TIAM1: variants seen among roughly 807,000 people sequenced by gnomAD.
TIAM1 encodes TIAM Rac1 associated GEF 1.
Under a neutral mutation model 163.5 loss-of-function variants are expected in TIAM1, and 65 were observed. That is an observed-to-expected ratio of 0.40 (90% CI 0.33 to 0.49). The LOEUF (loss-of-function observed/expected upper bound fraction) is 0.49, where lower values mean the gene tolerates loss of function less well. Ranked by LOEUF, TIAM1 falls within the 20% of genes least tolerant of loss-of-function variation. TIAM1 has a pLI of 0.77. For synonymous variants in TIAM1, 833 were observed against 810.1 expected, an observed-to-expected ratio of 1.03 and a Z score of -0.48; for missense variants, 1,789 against 2,044.7, an observed-to-expected ratio of 0.87 and a Z score of 2.41.
chr21:31,290,490 T>C (rs2073976778), intron 2 of TIAM1, among the ~76,000 whole-genome samples: 1 of 151,208 alleles, frequency 6.6e-6, no homozygotes, highest in South Asian at 2.1e-4. Context: ...GAAAAAAATA[T>C]ATAAAAATTA....
In TIAM1 at chr21:31,225,740, T is replaced by G; in HGVS notation, c.1795A>C (p.Thr599Pro). ...SSVTDSKKKK[T>P]ILDQIFVWEQ... The stretch of plus-strand genomic sequence containing the variant: ...AGAACGATTACCTGATCTAATATTG[T>G]TTTCTTTTTCTTTGAGTCAGTGACT... Residue 599 changes from threonine (T) to proline (P), a missense_variant, in exon 7 of 28, where the codon ACA becomes CCA. By Grantham distance (38) the Thr-to-Pro change is conservative. Around this residue, in one of 5 missense-constraint regions of TIAM1, gnomAD observed 456 missense variants for 586.6 expected, o/e 0.78. Transcript: ENST00000541036. The G allele has an allele frequency of 6.2e-7, 1 of 1,612,286 alleles. No individual in the cohort carries two copies. Among genetic ancestry groups the G allele is most frequent in the South Asian group, 1.1e-5 (1 of 91,078 alleles).
At chr21:31,159,413 T>G (rs1357223211) in intron 16 of TIAM1, among the ~76,000 whole-genome samples, 1 of 152,216 alleles carries the variant, frequency 6.6e-6, no homozygotes, top group Non-Finnish European at 1.5e-5. Flanking sequence ...CTTCCTGTTA[T>G]GCAACCACCA....
At chr21:31,182,672 A>C (rs776035785) in intron 14 of TIAM1, 27 bp from the exon 15 acceptor site, 3 of 1,596,636 alleles carry the variant, frequency 1.9e-6, no homozygotes, top group South Asian at 2.3e-5. Flanking sequence ...GAAAATTTTT[A>C]ATTTCACACA....
intron 1 of TIAM1, among the ~76,000 whole-genome samples, chr21:31,553,353 T>C (rs1467319569): frequency 6.6e-5 from 10 of 152,138 alleles, no homozygotes; most frequent in Non-Finnish European, 1.2e-4. Flanking sequence ...CTGTGTCCTG[T>C]GAGGAGATGG....
chr21:31,163,493 C>T (rs748235753), intron 16 of TIAM1, among the ~76,000 whole-genome samples: 28 of 152,108 alleles, frequency 1.8e-4, no homozygotes, highest in Admixed American at 9.8e-4. Context: ...ATTAATGTTG[C>T]TTTCAAATAT....
intron 2 of TIAM1, among the ~76,000 whole-genome samples, chr21:31,446,871 A>C (rs1251978437): frequency 6.6e-6 from 1 of 152,240 alleles, no homozygotes; most frequent in East Asian, 1.9e-4. Flanking sequence ...AAGTTCACAT[A>C]GAAATACTTT....
At chr21:31,140,576 CT>C (rs1193700137) in intron 22 of TIAM1, among the ~76,000 whole-genome samples, 1 of 152,206 alleles carries the variant, frequency 6.6e-6, no homozygotes, top group Non-Finnish European at 1.5e-5. Flanking sequence ...TGGCAACATA[CT>C]TTTATTCAGG....
chr21:31,271,100 T>C lies in TIAM1; in HGVS notation c.-11-4117A>G, dbSNP rs536550577. 9.8e-5 allele frequency among the ~76,000 whole-genome samples: 15 copies of C among 152,298 alleles called. No individual in the cohort carries two copies. The South Asian group carries it at 2.1e-3, about 21-fold the overall frequency. ...AACATATATTTCACTTACTGGTCTT[T>C]CTTATTCTCTATCCTTTCCCACTAG... On this transcript the variant is annotated intron_variant, in intron 3 of 27. Coordinates refer to ENST00000541036, the MANE Select transcript of TIAM1 (RefSeq NM_001353694.2).
chr21:31,489,552 T>C (rs1408151898), intron 1 of TIAM1, among the ~76,000 whole-genome samples: 1 of 91,806 alleles, frequency 1.1e-5, no homozygotes, highest in Admixed American at 1.1e-4. Context: ...GGGAAAATTG[T>C]GCTAAGGGAA....
At chr21:31,157,742 T>C (rs1251214533) in intron 16 of TIAM1, among the ~76,000 whole-genome samples, 1 of 152,120 alleles carries the variant, frequency 6.6e-6, no homozygotes, top group East Asian at 1.9e-4. Flanking sequence ...GGATTTAACA[T>C]GCAAATTCCA....
intron 15 of TIAM1, among the ~76,000 whole-genome samples, chr21:31,174,711 G>A (rs1020822785): frequency 3.9e-5 from 6 of 152,138 alleles, no homozygotes; most frequent in African/African-American, 1.2e-4. Flanking sequence ...GCAGTGGTGC[G>A]ATCCCGGCTC....
intron 2 of TIAM1, among the ~76,000 whole-genome samples, chr21:31,387,937 C>G (rs1001887564): frequency 2.0e-5 from 3 of 152,088 alleles, no homozygotes; most frequent in African/African-American, 7.2e-5. Context: ...CCGAGCACGA[C>G]TTCTGTGACA....
At chr21:31,469,222 G>A (rs918914382) in intron 1 of TIAM1, among the ~76,000 whole-genome samples, 1 of 151,778 alleles carries the variant, frequency 6.6e-6, no homozygotes, top group African/African-American at 2.4e-5. Context: ...AAGTAGCTGG[G>A]ACTACAGGCA....
At chr21:31,404,932 G>T (rs927610951) in intron 2 of TIAM1, among the ~76,000 whole-genome samples, 1 of 152,092 alleles carries the variant, frequency 6.6e-6, no homozygotes, top group South Asian at 2.1e-4. Context: ...CTAATATTTT[G>T]ATATTGGCCC....
intron 2 of TIAM1, among the ~76,000 whole-genome samples, chr21:31,290,492 T>A (rs1601841433): frequency 2.0e-5 from 3 of 150,682 alleles, no homozygotes; most frequent in Admixed American, 2.0e-4. Flanking sequence ...AAAAAATATA[T>A]AAAAATTATC....
chr21:31,341,671 CAG>C (rs1363978779), intron 1 of TIAM1, among the ~76,000 whole-genome samples: 2 of 151,798 alleles, frequency 1.3e-5, no homozygotes, highest in Non-Finnish European at 1.5e-5. Flanking sequence ...TGTTCACAAA[CAG>C]AAAGTATATT....
rs1568866418 is a variant in TIAM1, at chr21:31,124,640, A to C, written c.4188T>G (p.Asp1396Glu). ...FLKAVHSILR[D>E]KHRRQLLKTE... is the part of the protein sequence containing the mutation. ...TTTTGAGGAGCTGTCTTCTGTGCTT[A>C]TCACGCAGGATTGAATGCACAGCCT... The change falls in exon 27 of 28, where the codon GAT (aspartate) becomes GAG (glutamate). Residue 1396 changes from aspartate to glutamate, a missense_variant. By Grantham distance (45) the Asp-to-Glu change is conservative. Coordinates refer to ENST00000541036, the MANE Select transcript of TIAM1 (RefSeq NM_001353694.2). 2.0e-5 allele frequency: 33 copies of C among 1,612,418 alleles called. No homozygotes were observed. The highest frequency in any genetic ancestry group is 2.8e-5 in the Non-Finnish European group (33 of 1,179,234).
chr21:31,161,035 T>TGTTGTG, intron 16 of TIAM1: 1 of 143,480 alleles, frequency 7.0e-6, no homozygotes, highest in South Asian at 2.4e-4. Context: ...CTAAGAAAAG[T>TGTTGTG]TGTGTGTGTG....
chr21:31,450,096 C>A (rs1192853341), intron 2 of TIAM1, among the ~76,000 whole-genome samples: 1 of 152,176 alleles, frequency 6.6e-6, no homozygotes, highest in African/African-American at 2.4e-5. Context: ...AACAGGCCTC[C>A]TGGGCCCCGA....
Sources: allele counts gnomAD v4.1 joint callset (sites outside exome capture counted in the v4.1 genomes callset), GRCh38; gene constraint gnomAD v4.1.1; regional missense constraint gnomAD v4.1.1; transcripts MANE v1.5; gene names NCBI Gene and HGNC (gene_info 2026-07-23, HGNC 2026-07-21).